Variants in CCL14 observed in about 807,000 individuals in gnomAD.
The protein encoded by CCL14 is C-C motif chemokine 14.
A neutral mutation model predicts 8.2 loss-of-function variants in CCL14; 8 were observed. The ratio of observed to expected loss-of-function variants is 0.98; its 90% confidence interval spans 0.57 to 1.76. CCL14 has a LOEUF of 1.76. Ranked by LOEUF, CCL14 falls within the 40% of genes most tolerant of loss-of-function variation. CCL14 has a pLI of 0.00. For missense variants in CCL14, 127 were observed against 118.3 expected, an observed-to-expected ratio of 1.07 and a Z score of -0.34; for synonymous variants, 50 against 43.2, an observed-to-expected ratio of 1.16 and a Z score of -0.62.
At position 35,984,321 on chromosome 17, in the gene CCL14, G is replaced by A. The variant is rs747684916; in HGVS notation, c.194+17C>T. The A allele has an allele frequency of 3.5e-5, 54 of 1,532,170 alleles. No homozygotes were observed. Among genetic ancestry groups the A allele is most frequent in the Non-Finnish European group, 9.0e-6 (10 of 1,105,726 alleles). The allele number at this position is 1,532,170 out of a possible 1,614,324, so 94.9% of individuals were successfully genotyped here. A position where few individuals can be genotyped will look rare whatever the true frequency, so the allele number is the denominator to read the frequency against. ...TGGCTCCCTCTCCCCCCAGTGTGAT[G>A]TGTGTGTACCACCTACACAATTCCG... On this transcript the variant is annotated intron_variant, in intron 2 of 2. Transcript: ENST00000618404.
intron 1 of CCL14, chr17:35,985,618 C>T (rs552590449): frequency 1.9e-4 from 141 of 739,826 alleles, no homozygotes; most frequent in Middle Eastern, 1.8e-3. Flanking sequence ...AGGCAGCATC[C>T]TCACGATCCA....
In CCL14 at chr17:35,985,642, G is replaced by C. The variant is rs9895622; in HGVS notation, c.79+929C>G. On this transcript the variant is annotated intron_variant, in intron 1 of 2. Transcript: ENST00000618404. ...CCTCACGATCCAAAGAACGGCATAA[G>C]GGGCCCCTGTTTCCTGAGACCCAGT... The C allele has an allele frequency of 3.0e-3, 2,873 of 953,284 alleles. 56 individuals are homozygous for C. The African/African-American group carries it at 0.041, about 14-fold the overall frequency. 59.1% of individuals were successfully genotyped at this position (953,284 alleles called of 1,614,324 possible). A position where few individuals can be genotyped will look rare whatever the true frequency, so the allele number is the denominator to read the frequency against.
rs756649752 is a variant in CCL14 at position 35,983,815 on chromosome 17, T to C, written c.268A>G (p.Met90Val). The change falls in exon 3 of 3, where the codon ATG becomes GTG. Residue 90 changes from methionine to valine, a missense_variant. Physicochemically the swap from Met to Val is conservative, Grantham distance 21. Transcript: ENST00000618404. The part of the protein sequence containing the change: ...DKWVQDYIKD[M>V]KEN ...TTCTGGGTCACTCAGTTCTCCTTCA[T>C]GTCCTTGATATAGTCCTGGACCCAC... 2.5e-6 allele frequency: 4 copies of C among 1,613,386 alleles called. No homozygotes were observed. In the South Asian group the frequency reaches 4.4e-5, roughly 18 times the overall value.
At position 35,983,815 on chromosome 17, in the gene CCL14, T is replaced by G; in HGVS notation, c.268A>C (p.Met90Leu). Residue 90 changes from methionine (M) to leucine (L), a missense_variant, in exon 3 of 3, where the codon ATG becomes CTG. By Grantham distance (15) the Met-to-Leu change is conservative (BLOSUM62 2). Coordinates refer to ENST00000618404, the MANE Select transcript of CCL14 (RefSeq NM_032963.4). ...TTCTGGGTCACTCAGTTCTCCTTCA[T>G]GTCCTTGATATAGTCCTGGACCCAC... ...DKWVQDYIKDMKEN is the reference protein window; with the variant it reads ...DKWVQDYIKDLKEN 1 of 1,613,386 alleles carries G rather than the reference T, an allele frequency of 6.2e-7. No individual in the cohort carries two copies. The highest frequency in any genetic ancestry group is 2.2e-5 in the East Asian group (1 of 44,874).
chr17:35,985,559 G>C, intron 1 of CCL14: 1 of 602,602 alleles, frequency 1.7e-6, no homozygotes, highest in Non-Finnish European at 3.0e-6. Context: ...ACTGAGGGTG[G>C]CCAGATGTCT....
chr17:35,984,349 C>G lies in CCL14; in HGVS notation c.183G>C (p.Lys61Asn). 1.2e-6 allele frequency: 2 copies of G among 1,612,412 alleles called. No individual in the cohort carries two copies. Among genetic ancestry groups the G allele is most frequent in the Non-Finnish European group, 1.7e-6 (2 of 1,178,566 alleles). The change falls in exon 2 of 3, where the codon AAG becomes AAC. Residue 61 changes from lysine to asparagine, a missense_variant. Physicochemically the swap from Lys to Asn is moderately conservative, Grantham distance 94. Coordinates refer to ENST00000618404, the MANE Select transcript of CCL14 (RefSeq NM_032963.4). ...DYYETNSQCS[K>N]PGIVFITKRG... is the part of the protein sequence containing the mutation. ...TGTGTACCACCTACACAATTCCGGG[C>G]TTGGAGCACTGGCTGTTGGTCTCAT...
At chr17:35,984,737 ACT>A in intron 1 of CCL14, 1 of 535,792 alleles carries the variant, frequency 1.9e-6, no homozygotes, top group South Asian at 3.1e-5. Flanking sequence ...AGAGCAGCAC[ACT>A]CAGATCTTCT....
At position 35,984,311 on chromosome 17, in the gene CCL14, C is replaced by T. The variant is rs372776364; in HGVS notation, c.194+27G>A. ...GAGGCCCTGCTGGCTCCCTCTCCCC[C>T]CAGTGTGATGTGTGTGTACCACCTA... On this transcript the variant is annotated intron_variant, in intron 2 of 2. Coordinates refer to ENST00000618404, the MANE Select transcript of CCL14 (RefSeq NM_032963.4). The T allele has an allele frequency of 4.6e-6, 7 of 1,520,396 alleles. No homozygotes were observed. In the African/African-American group the frequency reaches 5.5e-5, roughly 12 times the overall value. The allele number at this position is 1,520,396 out of a possible 1,614,324, so 94.2% of individuals were successfully genotyped here. A position where few individuals can be genotyped will look rare whatever the true frequency, so the allele number is the denominator to read the frequency against.
intron 1 of CCL14, 46 bp from the exon 2 acceptor site, chr17:35,984,498 G>A (rs911919263): frequency 8.0e-7 from 1 of 1,256,556 alleles, no homozygotes; most frequent in South Asian, 1.2e-5. Context: ...CTTGTTAAAG[G>A]CCATACCATT....
chr17:35,984,421 G>A lies in CCL14; in HGVS notation c.111C>T (p.Phe37=). Residue 37 remains phenylalanine, a synonymous_variant, in exon 2 of 3, where the codon TTC becomes TTT. Coordinates refer to ENST00000618404, the MANE Select transcript of CCL14 (RefSeq NM_032963.4). ...RGPYHPSECC[F]TYTTYKIPRQ... ...GCGGGATCTTGTAGGTAGTGTAGGT[G>A]AAGCAGCACTCTGAGGGGTGGTAAG... The A allele has an allele frequency of 6.2e-7, 1 of 1,613,630 alleles. No individual in the cohort carries two copies. The highest frequency in any genetic ancestry group is 8.5e-7 in the Non-Finnish European group (1 of 1,179,856).
Position 35,986,566 on chromosome 17 carries a change from C to T in CCL14, c.79+5G>A. On this transcript the variant is annotated splice_donor_5th_base_variant and intron_variant, in intron 1 of 2. Transcript: ENST00000618404. ...GTTGGAAGGAAGACAAGGCATTGCA[C>T]TCACGTGAGGAGGATTCAGTCTTGG... 1 of 1,611,642 alleles carries T rather than the reference C, an allele frequency of 6.2e-7. No individual in the cohort carries two copies. Among genetic ancestry groups the T allele is most frequent in the Non-Finnish European group, 8.5e-7 (1 of 1,177,866 alleles).
At chr17:35,984,519 G>T (rs2089729852) in intron 1 of CCL14, 67 bp from the exon 2 acceptor site, 3 of 975,482 alleles carry the variant, frequency 3.1e-6, no homozygotes, top group African/African-American at 1.6e-5. Flanking sequence ...GGCTGCTCCT[G>T]CAAGCTGAGG....
intron 1 of CCL14, chr17:35,985,792 G>T (rs2089758106): frequency 1.1e-5 from 17 of 1,551,110 alleles, no homozygotes; most frequent in African/African-American, 1.4e-5. Context: ...TTTCCCCCCA[G>T]TTTCTGAAAA....
Position 35,983,742 on chromosome 17 carries a change from G to T in CCL14, c.*59C>A. 1.7e-6 allele frequency: 2 copies of T among 1,188,018 alleles called. No individual in the cohort carries two copies. Among genetic ancestry groups the T allele is most frequent in the Non-Finnish European group, 2.5e-6 (2 of 791,798 alleles). 73.6% of individuals were successfully genotyped at this position (1,188,018 alleles called of 1,614,324 possible). On this transcript the variant is annotated 3_prime_UTR_variant, in exon 3 of 3. Coordinates refer to ENST00000618404, the MANE Select transcript of CCL14 (RefSeq NM_032963.4). ...GAGTTAGCGGTGGGTGGAGGAGGGG[G>T]CCTTGGCATCTTCTCTTTATGTCTC...
In CCL14 at chr17:35,983,870, G is replaced by A. The variant is rs996690462; in HGVS notation, c.213C>T (p.Gly71=). ...KPGIVFITKR[G]HSVCTNPSDK... is the part of the protein sequence containing the mutation. Reference sequence around the variant, plus strand: ...CACTGGGGTTGGTACAGACGGAATGGCCCCTTTTGGTGATGAAGCTGTGGA... The same window carrying A: ...CACTGGGGTTGGTACAGACGGAATGACCCCTTTTGGTGATGAAGCTGTGGA... Residue 71 remains glycine, a synonymous_variant, in exon 3 of 3, where the codon GGC becomes GGT. Coordinates refer to ENST00000618404, the MANE Select transcript of CCL14 (RefSeq NM_032963.4). 1 of 1,613,806 alleles carries A rather than the reference G, an allele frequency of 6.2e-7. No individual in the cohort carries two copies.
intron 2 of CCL14, 117 bp downstream of exon 2, chr17:35,984,221 T>C (rs1433614417): frequency 2.6e-6 from 2 of 760,636 alleles, no homozygotes; most frequent in Non-Finnish European, 4.6e-6. Context: ...CCTCTCCCCA[T>C]GTAGTCACAC....
intron 1 of CCL14, chr17:35,985,929 C>T: frequency 1.4e-6 from 1 of 713,804 alleles, no homozygotes; most frequent in Admixed American, 2.5e-5. Context: ...CCCCCCAGCC[C>T]ATACCCAAGC....
At chr17:35,985,734 A>G in intron 1 of CCL14, 1 of 1,550,274 alleles carries the variant, frequency 6.5e-7, no homozygotes, top group African/African-American at 1.4e-5. Context: ...GGGCAAGTCA[A>G]ACTGTGCACA....
Position 35,986,706 on chromosome 17 carries a change from T to G in CCL14, c.-57A>C. On this transcript the variant is annotated 5_prime_UTR_variant, in exon 1 of 3. Coordinates refer to ENST00000618404, the MANE Select transcript of CCL14 (RefSeq NM_032963.4). ...GCCTGGTGGGAGCTTCAGAGGCTCCTGCGGTGAGGAATTGTTGAGAAATGA... is the reference window on the plus strand; with the variant it reads ...GCCTGGTGGGAGCTTCAGAGGCTCCGGCGGTGAGGAATTGTTGAGAAATGA... 4 of 1,256,740 alleles carry G rather than the reference T, an allele frequency of 3.2e-6. No individual in the cohort carries two copies. The highest frequency in any genetic ancestry group is 4.7e-6 in the Non-Finnish European group (4 of 855,414). 77.8% of individuals were successfully genotyped at this position (1,256,740 alleles called of 1,614,324 possible). A position where few individuals can be genotyped will look rare whatever the true frequency, so the allele number is the denominator to read the frequency against.
Sources: allele counts gnomAD v4.1 joint callset, GRCh38; gene constraint gnomAD v4.1.1; transcripts MANE v1.5; gene names NCBI Gene and HGNC (gene_info 2026-07-23, HGNC 2026-07-21).